Variants in CNTNAP2 observed in about 807,000 individuals in gnomAD.
CNTNAP2 encodes the protein contactin associated protein 2, also known as contactin-associated protein-like 2.
A neutral mutation model predicts 155.2 loss-of-function variants in CNTNAP2; 98 were observed. That is an observed-to-expected ratio of 0.63 (90% CI 0.54 to 0.75). The LOEUF (loss-of-function observed/expected upper bound fraction) is 0.75, where lower values mean the gene tolerates loss of function less well. Among genes scored for constraint, CNTNAP2 ranks in the 30% least tolerant of loss-of-function variants. The pLI, the probability that CNTNAP2 is intolerant of heterozygous loss-of-function variation, is 0.00. For synonymous variants in CNTNAP2, 651 were observed against 631.2 expected, an observed-to-expected ratio of 1.03 and a Z score of -0.47; for missense variants, 1,727 against 1,688.1, an observed-to-expected ratio of 1.02 and a Z score of -0.40.
At chr7:148,114,412 A>G (rs1051233035) in intron 15 of CNTNAP2, among the ~76,000 whole-genome samples, 2 of 152,234 alleles carry the variant, frequency 1.3e-5, no homozygotes, top group African/African-American at 2.4e-5. Flanking sequence ...TTACTTATGT[A>G]TTGATTGAAT....
intron 1 of CNTNAP2, among the ~76,000 whole-genome samples, chr7:146,640,451 C>G (rs1045033217): frequency 3.3e-5 from 5 of 152,144 alleles, no homozygotes; most frequent in African/African-American, 1.2e-4. Flanking sequence ...GTGAATTAGC[C>G]TGATGCCTCA....
At chr7:146,919,594 G>A (rs1044520472) in intron 3 of CNTNAP2, among the ~76,000 whole-genome samples, 1 of 152,160 alleles carries the variant, frequency 6.6e-6, no homozygotes, top group Non-Finnish European at 1.5e-5. Context: ...AGGTAGCAGG[G>A]GAGTGAAGTG....
intron 15 of CNTNAP2, among the ~76,000 whole-genome samples, chr7:148,081,663 AG>A (rs1803607770): frequency 6.6e-6 from 1 of 152,132 alleles, no homozygotes; most frequent in South Asian, 2.1e-4. Flanking sequence ...CTATTTTATT[AG>A]TTCTGTCCCT....
chr7:147,727,602 C>T (rs751311609), intron 13 of CNTNAP2, among the ~76,000 whole-genome samples: 3 of 151,940 alleles, frequency 2.0e-5, no homozygotes, highest in Non-Finnish European at 2.9e-5. Context: ...TATTTAACAG[C>T]ATTCTCAAAA....
chr7:147,041,178 C>T (rs1298951934), intron 3 of CNTNAP2, among the ~76,000 whole-genome samples: 2 of 152,084 alleles, frequency 1.3e-5, no homozygotes, highest in African/African-American at 4.8e-5. Context: ...CAGACAGAAC[C>T]TGTTAAAAGA....
chr7:146,974,533 T>C (rs1016050856), intron 3 of CNTNAP2, among the ~76,000 whole-genome samples: 4 of 152,246 alleles, frequency 2.6e-5, no homozygotes, highest in African/African-American at 9.6e-5. Context: ...TTTTCTGTTA[T>C]GTAAAGTCAA....
intron 16 of CNTNAP2, among the ~76,000 whole-genome samples, chr7:148,125,786 C>T (rs2116621055): frequency 6.6e-6 from 1 of 151,652 alleles, no homozygotes; most frequent in South Asian, 2.1e-4. Flanking sequence ...ACTGCAACCT[C>T]TGCCTCCCGG....
chr7:147,377,205 G>T (rs1191066653), intron 9 of CNTNAP2, among the ~76,000 whole-genome samples: 4 of 147,698 alleles, frequency 2.7e-5, no homozygotes, highest in African/African-American at 5.0e-5. Context: ...TGAAATGTAT[G>T]TATGTCATAT....
intron 21 of CNTNAP2, among the ~76,000 whole-genome samples, chr7:148,287,550 T>A (rs2116473777): frequency 6.6e-6 from 1 of 152,300 alleles, no homozygotes; most frequent in African/African-American, 2.4e-5. Flanking sequence ...GCAACTGTTT[T>A]TAACAAATAT....
intron 13 of CNTNAP2, among the ~76,000 whole-genome samples, chr7:147,857,760 T>A (rs572252401): frequency 6.6e-6 from 1 of 152,250 alleles, no homozygotes; most frequent in African/African-American, 2.4e-5. Flanking sequence ...CAACAAAATA[T>A]CAATAAAGCC....
chr7:146,249,056 G>T lies in CNTNAP2; in HGVS notation c.97+132083G>T, dbSNP rs1799714169. ...TGGGGGAGCTTTTGAGCCAGGATGAGCCAGGAGAAGGAATTTCACAAAACA... is the reference window on the plus strand; with the variant it reads ...TGGGGGAGCTTTTGAGCCAGGATGATCCAGGAGAAGGAATTTCACAAAACA... On this transcript the variant is annotated intron_variant, in intron 1 of 23. Transcript: ENST00000361727. Among the ~76,000 whole-genome samples the T allele has an allele frequency of 2.6e-5, 4 of 152,202 alleles. No individual in the cohort carries two copies. The East Asian group carries it at 5.8e-4, about 22-fold the overall frequency.
intron 1 of CNTNAP2, among the ~76,000 whole-genome samples, chr7:146,318,749 T>C (rs931382131): frequency 1.3e-5 from 2 of 151,614 alleles, no homozygotes; most frequent in African/African-American, 4.8e-5. Context: ...GTGGAGGGAG[T>C]GTATAAAATT....
chr7:146,467,893 G>A (rs572572173), intron 1 of CNTNAP2, among the ~76,000 whole-genome samples: 3 of 152,234 alleles, frequency 2.0e-5, no homozygotes, highest in East Asian at 3.9e-4. Flanking sequence ...ATTGTTCAAT[G>A]TAATAGTAGT....
chr7:146,306,098 A>G (rs1800707118), intron 1 of CNTNAP2, among the ~76,000 whole-genome samples: 1 of 152,166 alleles, frequency 6.6e-6, no homozygotes, highest in South Asian at 2.1e-4. Context: ...ACAAACTACC[A>G]TCAGAGAATA....
chr7:146,924,035 G>GT (rs964701454), intron 3 of CNTNAP2, among the ~76,000 whole-genome samples: 7 of 151,640 alleles, frequency 4.6e-5, no homozygotes, highest in East Asian at 1.9e-4. Context: ...TAAAGTATAT[G>GT]TTTTTTTTCT....
At chr7:148,407,881 A>C (rs1799739638) in intron 22 of CNTNAP2, among the ~76,000 whole-genome samples, 1 of 152,156 alleles carries the variant, frequency 6.6e-6, no homozygotes, top group African/African-American at 2.4e-5. Context: ...CAGTCAACTG[A>C]TAGTTGAGAT....
intron 1 of CNTNAP2, among the ~76,000 whole-genome samples, chr7:146,667,722 T>C (rs1461897974): frequency 1.3e-5 from 2 of 151,744 alleles, no homozygotes; most frequent in African/African-American, 4.8e-5. Flanking sequence ...TTTCCTCTTT[T>C]TTTTTTTGTA....
chr7:147,131,145 C>CATGTACCATATACATATAT (rs1227891445), intron 7 of CNTNAP2, among the ~76,000 whole-genome samples: 1 of 148,956 alleles, frequency 6.7e-6, no homozygotes, highest in African/African-American at 2.5e-5. Flanking sequence ...TATACATATA[C>CATGTACCATATACATATAT]ATGTACCATA....
intron 9 of CNTNAP2, among the ~76,000 whole-genome samples, chr7:147,368,481 G>A (rs1450782570): frequency 2.0e-5 from 3 of 152,078 alleles, no homozygotes; most frequent in Non-Finnish European, 4.4e-5. Context: ...ATATTTTGAG[G>A]CATTTCAATG....
Sources: allele counts gnomAD v4.1 joint callset (sites outside exome capture counted in the v4.1 genomes callset), GRCh38; gene constraint gnomAD v4.1.1; transcripts MANE v1.5; gene names NCBI Gene and HGNC (gene_info 2026-07-23, HGNC 2026-07-21).